TAOK1: variants seen among roughly 807,000 people sequenced by gnomAD.
The protein encoded by TAOK1 is TAO kinase 1.
TAOK1 carries 21 observed loss-of-function variants against 138.3 expected under a neutral mutation model. The observed-to-expected ratio is 0.15, with a 90% CI of 0.11 to 0.22. The LOEUF (loss-of-function observed/expected upper bound fraction) is 0.22. TAOK1 is among the 10% of genes least tolerant of loss of function. The pLI, the probability that TAOK1 is intolerant of heterozygous loss-of-function variation, is 1.00. For synonymous variants in TAOK1, 361 were observed against 398.4 expected, an observed-to-expected ratio of 0.91 and a Z score of 1.12; for missense variants, 651 against 1,227.7, an observed-to-expected ratio of 0.53 and a Z score of 7.02.
rs1038164230 is a variant in TAOK1, at chr17:29,424,641, G to T, written c.-94-26814G>T. On this transcript the variant is annotated intron_variant, in intron 1 of 19. Transcript: ENST00000261716. The stretch of plus-strand genomic sequence containing the variant: ...TCAATAGTAGGAGATGCCTATTTTT[G>T]TGTCATGTATTAGATTACTTGTCAG... 8 of 152,046 alleles carry T rather than the reference G, an allele frequency of 5.3e-5. No homozygotes were observed. In the East Asian group the frequency reaches 1.5e-3, roughly 29 times the overall value. 9.4% of individuals were successfully genotyped at this position (152,046 alleles called of 1,614,324 possible).
intron 9 of TAOK1, among the ~76,000 whole-genome samples, chr17:29,491,366 T>G (rs1446047631): frequency 6.6e-6 from 1 of 152,080 alleles, no homozygotes; most frequent in Non-Finnish European, 1.5e-5. Flanking sequence ...GATAGAGTGA[T>G]ATTCTGAAAC....
At chr17:29,475,866 CA>C in intron 4 of TAOK1, 95 bp downstream of exon 4, 2 of 866,460 alleles carry the variant, frequency 2.3e-6, no homozygotes, top group South Asian at 1.5e-5. Flanking sequence ...TAAATGCATG[CA>C]AAAACACCTG....
chr17:29,530,961 A>ATTTTTTTTTTTTTTTTT (rs1189516085), intron 18 of TAOK1, among the ~76,000 whole-genome samples: 1 of 39,246 alleles, frequency 2.5e-5, no homozygotes, highest in African/African-American at 1.1e-4. Flanking sequence ...TACAAGTACA[A>ATTTTTTTTTTTTTTTTT]ATTTTTTTTT....
At chr17:29,414,977 G>A (rs1014470722) in intron 1 of TAOK1, among the ~76,000 whole-genome samples, 96 of 151,746 alleles carry the variant, frequency 6.3e-4, no homozygotes, top group Middle Eastern at 3.4e-3. Flanking sequence ...TTGCTCGGGG[G>A]TGGAGGAACG....
intron 8 of TAOK1, among the ~76,000 whole-genome samples, chr17:29,487,025 G>A (rs1366246496): frequency 1.3e-5 from 2 of 152,026 alleles, no homozygotes; most frequent in African/African-American, 4.8e-5. Flanking sequence ...AAGGCGGGCA[G>A]ATCACCTGAG....
intron 8 of TAOK1, among the ~76,000 whole-genome samples, chr17:29,484,627 CAG>C (rs576348809): frequency 7.9e-5 from 12 of 151,914 alleles, no homozygotes; most frequent in Admixed American, 5.3e-4. Flanking sequence ...GGGAGGGAGA[CAG>C]AGTCTCGCTC....
intron 1 of TAOK1, among the ~76,000 whole-genome samples, chr17:29,409,324 TA>T (rs1412452728): frequency 4.1e-5 from 3 of 73,004 alleles, no homozygotes. Context: ...TATATATATA[TA>T]TATATATATT....
chr17:29,457,653 A>G (rs1219051203), intron 2 of TAOK1, among the ~76,000 whole-genome samples: 162 of 134,790 alleles, frequency 1.2e-3, no homozygotes, highest in Middle Eastern at 9.9e-3. Context: ...CGATCCACCC[A>G]TCTCGGCCTC....
chr17:29,435,261 C>T (rs1905990616), intron 1 of TAOK1, among the ~76,000 whole-genome samples: 1 of 152,096 alleles, frequency 6.6e-6, no homozygotes, highest in African/African-American at 2.4e-5. Flanking sequence ...TAGGTGAAAA[C>T]TTAAAAACAA....
chr17:29,486,146 T>C (rs2031167326), intron 8 of TAOK1, among the ~76,000 whole-genome samples: 1 of 151,782 alleles, frequency 6.6e-6, no homozygotes, highest in South Asian at 2.1e-4. Context: ...AAAATTAATT[T>C]GGCATGGTGA....
intron 15 of TAOK1, chr17:29,513,148 A>G (rs1180845964): frequency 1.4e-5 from 2 of 144,914 alleles, no homozygotes; most frequent in Admixed American, 1.5e-4. Context: ...TGATAAAATA[A>G]GTATAATCAA....
intron 1 of TAOK1, among the ~76,000 whole-genome samples, chr17:29,443,022 A>G (rs1216881986): frequency 2.0e-5 from 3 of 152,294 alleles, no homozygotes; most frequent in African/African-American, 4.8e-5. Context: ...GTGTGTGTCT[A>G]TCGAGGGAGG....
chr17:29,535,738 C>T (rs1598528784), intron 19 of TAOK1, among the ~76,000 whole-genome samples: 2 of 151,906 alleles, frequency 1.3e-5, no homozygotes, highest in East Asian at 3.9e-4. Flanking sequence ...CCTATAGTCC[C>T]AGCGACTAGG....
intron 2 of TAOK1, among the ~76,000 whole-genome samples, chr17:29,459,275 T>C: frequency 6.6e-6 from 1 of 152,128 alleles, no homozygotes; most frequent in East Asian, 1.9e-4. Context: ...AGGATTGTAG[T>C]CTCTAAAGTT....
intron 7 of TAOK1, 58 bp downstream of exon 7, chr17:29,480,539 A>G: frequency 7.0e-7 from 1 of 1,426,634 alleles, no homozygotes; most frequent in Non-Finnish European, 9.7e-7. Flanking sequence ...GTTTAACATG[A>G]AATACAAATG....
At chr17:29,452,340 C>G (rs1040409964) in intron 2 of TAOK1, among the ~76,000 whole-genome samples, 9 of 152,132 alleles carry the variant, frequency 5.9e-5, no homozygotes, top group Non-Finnish European at 1.3e-4. Flanking sequence ...AGTCTCATGG[C>G]TTGCATTGCT....
chr17:29,505,908 G>A (rs141840833), intron 13 of TAOK1, among the ~76,000 whole-genome samples: 95 of 152,200 alleles, frequency 6.2e-4, no homozygotes, highest in East Asian at 5.0e-3. Context: ...GTACTCCAGC[G>A]TGGGCAACCC....
intron 3 of TAOK1, among the ~76,000 whole-genome samples, chr17:29,473,159 A>G (rs2030866588): frequency 6.6e-6 from 1 of 152,214 alleles, no homozygotes; most frequent in Non-Finnish European, 1.5e-5. Context: ...GCACAGGCAG[A>G]GTAGGAGTTT....
At chr17:29,429,917 T>C (rs77510180) in intron 1 of TAOK1, among the ~76,000 whole-genome samples, 5,609 of 152,280 alleles carry the variant, frequency 0.037, 362 homozygotes, top group African/African-American at 0.13. Flanking sequence ...CTATAAGATC[T>C]AATCAATACA....
Sources: allele counts gnomAD v4.1 joint callset (sites outside exome capture counted in the v4.1 genomes callset), GRCh38; gene constraint gnomAD v4.1.1; transcripts MANE v1.5; gene names NCBI Gene and HGNC (gene_info 2026-07-23, HGNC 2026-07-21).